Variants in IFT57 observed in about 807,000 individuals in gnomAD.
IFT57 encodes intraflagellar transport protein 57 homolog.
IFT57 carries 59 observed loss-of-function variants against 56.8 expected under a neutral mutation model. That is an observed-to-expected ratio of 1.04 (90% CI 0.84 to 1.29). The LOEUF (loss-of-function observed/expected upper bound fraction) is 1.29. Among genes scored for constraint, IFT57 ranks in the 50% most tolerant of loss-of-function variants. The probability of loss-of-function intolerance (pLI) is 0.00; values close to 1 mark genes in which losing one functional copy is unlikely to be tolerated. For missense variants in IFT57, 470 were observed against 522.1 expected (o/e 0.90, Z 0.97); for synonymous variants, 209 against 186.1 (o/e 1.12, Z -1.00).
At chr3:108,217,176 GT>G (rs1229367566) in intron 3 of IFT57, among the ~76,000 whole-genome samples, 4 of 152,020 alleles carry the variant, frequency 2.6e-5, no homozygotes, top group Non-Finnish European at 4.4e-5. Flanking sequence ...ATTGTATATT[GT>G]ACACATGTAT....
chr3:108,202,432 T>C (rs2080284288), intron 5 of IFT57, among the ~76,000 whole-genome samples: 5 of 152,226 alleles, frequency 3.3e-5, no homozygotes. Context: ...AATATTCTAC[T>C]ATACTTCTAA....
At chr3:108,204,262 C>T (rs559280271) in intron 5 of IFT57, among the ~76,000 whole-genome samples, 1 of 152,196 alleles carries the variant, frequency 6.6e-6, no homozygotes, top group Non-Finnish European at 1.5e-5. Context: ...CTGGTGTTCA[C>T]TCTTCTTCCT....
At chr3:108,176,359 TCA>T (rs1242671792) in intron 6 of IFT57, among the ~76,000 whole-genome samples, 14 of 151,654 alleles carry the variant, frequency 9.2e-5, no homozygotes, top group Non-Finnish European at 1.9e-4. Context: ...CAAATTGAGG[TCA>T]TGTGATTTTT....
chr3:108,209,938 A>G (rs2080334993), intron 4 of IFT57, among the ~76,000 whole-genome samples: 1 of 139,024 alleles, frequency 7.2e-6, no homozygotes, highest in Non-Finnish European at 1.6e-5. Context: ...GTGTGTGTGT[A>G]CCTCCTATTG....
intron 6 of IFT57, among the ~76,000 whole-genome samples, chr3:108,172,169 T>C (rs2080096947): frequency 6.6e-6 from 1 of 151,906 alleles, no homozygotes; most frequent in African/African-American, 2.4e-5. Context: ...CTGGTATTTC[T>C]GTGGAACCTC....
At chr3:108,217,637 T>C (rs2080379863) in intron 3 of IFT57, among the ~76,000 whole-genome samples, 1 of 151,760 alleles carries the variant, frequency 6.6e-6, no homozygotes, top group African/African-American at 2.4e-5. Context: ...AAGAATATAA[T>C]TGAATATACA....
chr3:108,206,823 TA>T (rs1321759089), intron 4 of IFT57, 127 bp from the exon 5 acceptor site: 1 of 250,354 alleles, frequency 4.0e-6, no homozygotes, highest in African/African-American at 2.3e-5. Flanking sequence ...AAAGGGTATT[TA>T]AAAGCCTAGT....
intron 2 of IFT57, 68 bp downstream of exon 2, chr3:108,219,342 T>A (rs1289658356): frequency 1.6e-5 from 21 of 1,322,788 alleles, no homozygotes; most frequent in Non-Finnish European, 2.3e-5. Flanking sequence ...CTAGCATTTG[T>A]TATTAAATTA....
At chr3:108,205,863 A>T (rs2080307445) in intron 5 of IFT57, among the ~76,000 whole-genome samples, 1 of 136,052 alleles carries the variant, frequency 7.4e-6, no homozygotes, top group Non-Finnish European at 1.5e-5. Flanking sequence ...ATATTTATAT[A>T]ACATATTTAT....
In IFT57 at chr3:108,218,630, A is replaced by G; in HGVS notation, c.399T>C (p.Pro133=). The change falls in exon 3 of 11, where the codon CCT becomes CCC. Residue 133 remains proline (P), a synonymous_variant. Coordinates refer to ENST00000264538, the MANE Select transcript of IFT57 (RefSeq NM_018010.4). ...RSFGRTADFP[P]SKLKSGYGEH... ...CTCCATAACCTGACTTTAATTTTGA[A>G]GGAGGAAAATCTGCAGTTCTTCCCT... 2 of 1,525,920 alleles carry G rather than the reference A, an allele frequency of 1.3e-6. No individual in the cohort carries two copies. Among genetic ancestry groups the G allele is most frequent in the Non-Finnish European group, 1.8e-6 (2 of 1,135,322 alleles). The allele number at this position is 1,525,920 out of a possible 1,614,324, so 94.5% of individuals were successfully genotyped here. A position where few individuals can be genotyped will look rare whatever the true frequency, so the allele number is the denominator to read the frequency against.
chr3:108,195,435 A>T (rs1388603910), intron 5 of IFT57, among the ~76,000 whole-genome samples: 1 of 152,148 alleles, frequency 6.6e-6, no homozygotes, highest in East Asian at 1.9e-4. Flanking sequence ...AAAAACTAAA[A>T]ATCTATCATA....
At chr3:108,197,839 A>G (rs2080251803) in intron 5 of IFT57, among the ~76,000 whole-genome samples, 1 of 152,176 alleles carries the variant, frequency 6.6e-6, no homozygotes, top group Admixed American at 6.5e-5. Flanking sequence ...TGGTCAAGTT[A>G]CATAACCTCT....
At position 108,168,521 on chromosome 3, in the gene IFT57, A is replaced by C. The variant is rs142357457; in HGVS notation, c.778-657T>G. Among the ~76,000 whole-genome samples, 548 of 152,106 alleles carry C rather than the reference A, an allele frequency of 3.6e-3. 1 individual carries two copies. Among genetic ancestry groups the C allele is most frequent in the African/African-American group, 0.013 (523 of 41,544 alleles). On this transcript the variant is annotated intron_variant, in intron 6 of 10. Coordinates refer to ENST00000264538, the MANE Select transcript of IFT57 (RefSeq NM_018010.4). ...ACTTTAAGTTCTGGGATACATGTGCAGAATGTGCAAGTTTGTTACATAGGT... is the reference window on the plus strand; with the variant it reads ...ACTTTAAGTTCTGGGATACATGTGCCGAATGTGCAAGTTTGTTACATAGGT...
At chr3:108,192,618 AATTAT>A (rs1337793207) in intron 5 of IFT57, among the ~76,000 whole-genome samples, 1 of 152,062 alleles carries the variant, frequency 6.6e-6, no homozygotes, top group Non-Finnish European at 1.5e-5. Context: ...TCCCTTAATA[AATTAT>A]AAGTAAATCT....
chr3:108,167,612 T>A (rs985504064), intron 7 of IFT57, among the ~76,000 whole-genome samples, 181 bp downstream of exon 7: 1 of 150,608 alleles, frequency 6.6e-6, no homozygotes, highest in African/African-American at 2.4e-5. Flanking sequence ...TTTATTAATA[T>A]GTAAGTTAGC....
chr3:108,183,246 C>T (rs2080161555), intron 6 of IFT57, among the ~76,000 whole-genome samples: 1 of 151,894 alleles, frequency 6.6e-6, no homozygotes, highest in South Asian at 2.1e-4. Context: ...CTTTAGAAGC[C>T]ACTTTCCTTT....
chr3:108,172,663 C>A (rs1439930616), intron 6 of IFT57, among the ~76,000 whole-genome samples: 1 of 151,728 alleles, frequency 6.6e-6, no homozygotes, highest in African/African-American at 2.4e-5. Flanking sequence ...GCAGAACTAG[C>A]AAAACTTGAA....
At chr3:108,200,076 G>C (rs1283889438) in intron 5 of IFT57, among the ~76,000 whole-genome samples, 1 of 152,158 alleles carries the variant, frequency 6.6e-6, no homozygotes, top group Non-Finnish European at 1.5e-5. Flanking sequence ...GGTCTTGAAA[G>C]CCAGATCAAA....
In IFT57 at chr3:108,175,424, T is replaced by C. The variant is rs984423290; in HGVS notation, c.778-7560A>G. ...CATAGATCCCCTCCCCACTCCAAATTCTTTAGCACTAAATTATAATATTAT... is the reference window on the plus strand; with the variant it reads ...CATAGATCCCCTCCCCACTCCAAATCCTTTAGCACTAAATTATAATATTAT... On this transcript the variant is annotated intron_variant, in intron 6 of 10. Coordinates refer to ENST00000264538, the MANE Select transcript of IFT57 (RefSeq NM_018010.4). Among the ~76,000 whole-genome samples, 6 of 151,812 alleles carry C rather than the reference T, an allele frequency of 4.0e-5. No homozygotes were observed. In the East Asian group the frequency reaches 1.2e-3, roughly 29 times the overall value.
Sources: gnomAD v4.1 joint callset for allele counts (sites outside exome capture counted in the v4.1 genomes callset) on GRCh38, gnomAD v4.1.1 for gene constraint, MANE v1.5 for transcripts, NCBI Gene and HGNC (gene_info 2026-07-23, HGNC 2026-07-21) for gene names.